The following QTMAN variants were observed in gnomAD, a reference collection of about 807,000 sequenced individuals.
QTMAN encodes the protein tRNA-queuosine alpha-mannosyltransferase.
the QTMAN span, among the ~76,000 whole-genome samples, chr2:144,133,114 G>GT: frequency 3.9e-4 from 7 of 17,798 alleles, no homozygotes; most frequent in Non-Finnish European, 6.1e-4. Flanking sequence ...GGAATGACTG[G>GT]TAATATATAT....
the QTMAN span, among the ~76,000 whole-genome samples, chr2:144,026,272 A>C: frequency 6.6e-6 from 1 of 151,984 alleles, no homozygotes; most frequent in Admixed American, 6.6e-5. Context: ...CGTCTCTACT[A>C]AAAATACAAA....
chr2:144,237,764 G>A, the QTMAN span, among the ~76,000 whole-genome samples: 1 of 152,104 alleles, frequency 6.6e-6, no homozygotes, highest in African/African-American at 2.4e-5. Context: ...TCATACCAGG[G>A]TTGGTCTGAG....
At chr2:144,165,775 C>G in the QTMAN span, among the ~76,000 whole-genome samples, 1 of 152,182 alleles carries the variant, frequency 6.6e-6, no homozygotes, top group Non-Finnish European at 1.5e-5. Flanking sequence ...TGAGAGTCAT[C>G]TCCTTTGACT....
At chr2:144,079,438 T>C in the QTMAN span, among the ~76,000 whole-genome samples, 1 of 152,154 alleles carries the variant, frequency 6.6e-6, no homozygotes, top group African/African-American at 2.4e-5. Context: ...TTAAAAATAT[T>C]ATAGATTGTT....
the QTMAN span, among the ~76,000 whole-genome samples, chr2:144,064,230 C>A: frequency 1.3e-5 from 2 of 152,256 alleles, no homozygotes; most frequent in East Asian, 3.9e-4. Flanking sequence ...AGCAGTAGAT[C>A]TAGCTGATTC....
the QTMAN span, among the ~76,000 whole-genome samples, chr2:144,119,523 T>TA: frequency 6.6e-6 from 1 of 152,206 alleles, no homozygotes; most frequent in Non-Finnish European, 1.5e-5. Flanking sequence ...TTGTGCACAT[T>TA]ACATGGTACA....
chr2:144,111,391 A>C, the QTMAN span, among the ~76,000 whole-genome samples: 5 of 152,148 alleles, frequency 3.3e-5, no homozygotes, highest in Admixed American at 3.3e-4. Flanking sequence ...GCTCCAACTC[A>C]TTTCCAAATA....
chr2:144,215,407 A>G, the QTMAN span, among the ~76,000 whole-genome samples: 4 of 152,078 alleles, frequency 2.6e-5, no homozygotes, highest in African/African-American at 9.7e-5. Flanking sequence ...AACTCAGCAA[A>G]TAGTTACTGA....
the QTMAN span, among the ~76,000 whole-genome samples, chr2:144,249,739 A>G: frequency 2.6e-4 from 40 of 152,344 alleles, no homozygotes; most frequent in African/African-American, 9.4e-4. Context: ...CCAGATTTAA[A>G]TTATTACAGA....
At chr2:144,155,614 T>C in the QTMAN span, among the ~76,000 whole-genome samples, 6 of 152,254 alleles carry the variant, frequency 3.9e-5, no homozygotes, top group African/African-American at 1.4e-4. Context: ...CCCAAGGTAA[T>C]GGATGTAAGT....
chr2:144,133,481 TATAA>T, the QTMAN span, among the ~76,000 whole-genome samples: 1 of 74,820 alleles, frequency 1.3e-5, no homozygotes, highest in African/African-American at 5.3e-5. Flanking sequence ...TTATATAATA[TATAA>T]AATATATATT....
chr2:144,308,406 C>CCACCCA, the QTMAN span, among the ~76,000 whole-genome samples: 113 of 152,034 alleles, frequency 7.4e-4, no homozygotes, highest in Non-Finnish European at 1.4e-3. Flanking sequence ...ACCTTGTGAT[C>CCACCCA]CACCCACCTC....
the QTMAN span, among the ~76,000 whole-genome samples, chr2:144,022,818 T>A: frequency 6.6e-6 from 1 of 152,116 alleles, no homozygotes; most frequent in Non-Finnish European, 1.5e-5. Context: ...CTCCTCGGCC[T>A]CCCAAAGTGT....
At chr2:144,256,531 T>A in the QTMAN span, among the ~76,000 whole-genome samples, 1 of 152,306 alleles carries the variant, frequency 6.6e-6, no homozygotes, top group Admixed American at 6.5e-5. Flanking sequence ...TAAAAAAGAA[T>A]GAGTTCATGT....
the QTMAN span, among the ~76,000 whole-genome samples, chr2:144,069,063 A>C: frequency 6.6e-6 from 1 of 152,144 alleles, no homozygotes; most frequent in Non-Finnish European, 1.5e-5. Context: ...TAAATATGGA[A>C]AGTACGGCTA....
chr2:144,096,284 A>G, the QTMAN span, among the ~76,000 whole-genome samples: 2 of 152,234 alleles, frequency 1.3e-5, no homozygotes, highest in Non-Finnish European at 2.9e-5. Context: ...CTATTAGCAT[A>G]TTGGTCTACA....
the QTMAN span, chr2:144,211,050 T>G: frequency 6.6e-6 from 1 of 152,188 alleles, no homozygotes; most frequent in Non-Finnish European, 1.5e-5. Context: ...AAAAGAAAAC[T>G]GCTTTCTGAT....
At chr2:144,048,367 A>G in the QTMAN span, among the ~76,000 whole-genome samples, 2 of 152,198 alleles carry the variant, frequency 1.3e-5, no homozygotes, top group Non-Finnish European at 2.9e-5. Context: ...TTTTTCTTTC[A>G]GATATTCACC....
the QTMAN span, among the ~76,000 whole-genome samples, chr2:144,133,399 A>AT: frequency 1.6e-5 from 1 of 61,162 alleles, no homozygotes; most frequent in Non-Finnish European, 2.8e-5. Context: ...TATATTATAT[A>AT]AATATAATAT....
Sources: gnomAD v4.1 joint callset for allele counts (sites outside exome capture counted in the v4.1 genomes callset) on GRCh38, gnomAD v4.1.1 for gene constraint, MANE v1.5 for transcripts, NCBI Gene and HGNC (gene_info 2026-07-23, HGNC 2026-07-21) for gene names.